Variants in NBEA observed in about 807,000 individuals in gnomAD.
NBEA encodes the protein neurobeachin.
A neutral mutation model predicts 343.4 loss-of-function variants in NBEA; 44 were observed. The ratio of observed to expected loss-of-function variants is 0.13; its 90% CI spans 0.10 to 0.16. The LOEUF is 0.16. Among genes scored for constraint, NBEA ranks in the 10% least tolerant of loss-of-function variants. NBEA has a pLI of 1.00. For missense variants in NBEA, 2,555 were observed against 3,631.3 expected, an observed-to-expected ratio of 0.70 and a Z score of 7.62; for synonymous variants, 1,175 against 1,238.7, an observed-to-expected ratio of 0.95 and a Z score of 1.08.
chr13:35,202,575 T>G (rs1337580112), intron 31 of NBEA, among the ~76,000 whole-genome samples: 1 of 152,148 alleles, frequency 6.6e-6, no homozygotes, highest in African/African-American at 2.4e-5. Flanking sequence ...TTACAAAATT[T>G]ACCGAACTGT....
At chr13:34,971,418 C>T (rs889535879) in intron 1 of NBEA, among the ~76,000 whole-genome samples, 1 of 152,088 alleles carries the variant, frequency 6.6e-6, no homozygotes, top group African/African-American at 2.4e-5. Flanking sequence ...AGAGGGCATC[C>T]TTGTCTTGTG....
chr13:35,672,247 C>A lies in NBEA; in HGVS notation c.*1256C>A, dbSNP rs979640563. On this transcript the variant is annotated 3_prime_UTR_variant, in exon 59 of 59. Coordinates refer to ENST00000379939, the MANE Select transcript of NBEA (RefSeq NM_001385012.1). ...ATCGTCATAGATGTACATATTGTGT[C>A]GGTAGGGCTATGAGGCATGTTACAG... 3 of 152,464 alleles carry A rather than the reference C, an allele frequency of 2.0e-5. No individual in the cohort carries two copies. The highest frequency in any genetic ancestry group is 7.2e-5 in the African/African-American group (3 of 41,398). 9.4% of individuals were successfully genotyped at this position (152,464 alleles called of 1,614,324 possible).
intron 35 of NBEA, among the ~76,000 whole-genome samples, chr13:35,309,263 G>C (rs1238066285): frequency 6.6e-6 from 1 of 152,008 alleles, no homozygotes; most frequent in South Asian, 2.1e-4. Flanking sequence ...TTTGTGCTCA[G>C]AGCCCCTTAT....
chr13:35,028,937 T>A (rs2062107003), intron 1 of NBEA, among the ~76,000 whole-genome samples: 1 of 151,890 alleles, frequency 6.6e-6, no homozygotes, highest in African/African-American at 2.4e-5. Flanking sequence ...TGCTGTAGCA[T>A]GTATCAGAAC....
Position 35,208,730 on chromosome 13 carries a change from T to A in NBEA, c.5397T>A (p.Pro1799=), listed in dbSNP as rs774531750. The change falls in exon 32 of 59, where the codon CCT becomes CCA. Residue 1799 remains proline, a synonymous_variant. Transcript: ENST00000379939. ...RSVVVPVKKP[P]PGSLAVTTVG... is the part of the protein sequence containing the mutation. ...TTGTGGTGCCTGTAAAGAAACCACC[T>A]CCAGGTAGTTTAGCTGTAACCACTG... The A allele has an allele frequency of 3.1e-5, 50 of 1,608,578 alleles. No individual in the cohort carries two copies. The highest frequency in any genetic ancestry group is 4.0e-5 in the Non-Finnish European group (47 of 1,176,770).
intron 39 of NBEA, among the ~76,000 whole-genome samples, chr13:35,447,502 A>G (rs1215682182): frequency 2.6e-5 from 4 of 151,988 alleles, no homozygotes; most frequent in Non-Finnish European, 5.9e-5. Flanking sequence ...ATATATATAT[A>G]TATTTACTAA....
At chr13:35,431,997 A>G (rs961580805) in intron 38 of NBEA, among the ~76,000 whole-genome samples, 2 of 152,110 alleles carry the variant, frequency 1.3e-5, no homozygotes, top group African/African-American at 4.8e-5. Context: ...CTTTTAGTAG[A>G]AAGAAGAAAG....
At chr13:35,212,175 C>A (rs886552301) in intron 33 of NBEA, among the ~76,000 whole-genome samples, 1 of 152,136 alleles carries the variant, frequency 6.6e-6, no homozygotes, top group Non-Finnish European at 1.5e-5. Context: ...AGTCACTGTT[C>A]TTGCTTTTCT....
At chr13:35,472,058 G>A (rs1355186991) in intron 40 of NBEA, among the ~76,000 whole-genome samples, 2 of 152,116 alleles carry the variant, frequency 1.3e-5, no homozygotes, top group Non-Finnish European at 2.9e-5. Flanking sequence ...GGAAAAGCCA[G>A]TGATACTCAA....
At chr13:35,138,988 G>C (rs1412622384) in intron 17 of NBEA, among the ~76,000 whole-genome samples, 1 of 149,064 alleles carries the variant, frequency 6.7e-6, no homozygotes, top group Non-Finnish European at 1.5e-5. Context: ...GAATTATGGG[G>C]TTTCTTTTCT....
At chr13:35,099,111 C>T (rs527581056) in intron 11 of NBEA, among the ~76,000 whole-genome samples, 3 of 150,970 alleles carry the variant, frequency 2.0e-5, no homozygotes, top group Non-Finnish European at 4.4e-5. Context: ...CTGCAACCCC[C>T]ATCTCCTGAG....
chr13:35,043,767 A>G (rs1209256962), intron 2 of NBEA, among the ~76,000 whole-genome samples: 7 of 151,926 alleles, frequency 4.6e-5, no homozygotes, highest in Non-Finnish European at 7.4e-5. Context: ...TATACAAATG[A>G]CAAATATTTT....
chr13:35,244,421 T>C (rs1189145077), intron 34 of NBEA, among the ~76,000 whole-genome samples: 5 of 152,094 alleles, frequency 3.3e-5, no homozygotes. Context: ...ATCAGTTGGC[T>C]GTAAGTATTT....
chr13:35,532,869 T>G (rs1267650530), intron 41 of NBEA, among the ~76,000 whole-genome samples: 1 of 152,142 alleles, frequency 6.6e-6, no homozygotes, highest in East Asian at 1.9e-4. Flanking sequence ...ACCTAATTTC[T>G]AAGGCACTAG....
At chr13:35,598,959 G>T (rs552758265) in intron 47 of NBEA, among the ~76,000 whole-genome samples, 2 of 152,154 alleles carry the variant, frequency 1.3e-5, no homozygotes, top group South Asian at 4.2e-4. Flanking sequence ...CTCTTGCATA[G>T]CTTATCTCTT....
chr13:35,470,758 C>T (rs958150803), intron 40 of NBEA, among the ~76,000 whole-genome samples: 1 of 152,188 alleles, frequency 6.6e-6, no homozygotes, highest in Non-Finnish European at 1.5e-5. Flanking sequence ...GCGCGGGAGG[C>T]AGGAGGCGCC....
chr13:35,182,055 T>A (rs1214548125), intron 28 of NBEA, among the ~76,000 whole-genome samples: 2 of 151,716 alleles, frequency 1.3e-5, no homozygotes, highest in Non-Finnish European at 3.0e-5. Context: ...ACATATTTTA[T>A]AAGCACACAT....
At chr13:35,668,176 A>G (rs1480866525) in intron 57 of NBEA, among the ~76,000 whole-genome samples, 192 bp from the exon 58 acceptor site, 1 of 152,232 alleles carries the variant, frequency 6.6e-6, no homozygotes, top group African/African-American at 2.4e-5. Context: ...TGAATTCCAC[A>G]ATGGAAATTC....
intron 33 of NBEA, among the ~76,000 whole-genome samples, chr13:35,225,623 T>C (rs2074609876): frequency 1.3e-5 from 2 of 152,190 alleles, no homozygotes; most frequent in African/African-American, 4.8e-5. Context: ...CTTGTGTCTA[T>C]AGCTCTGGGG....
Sources: gnomAD v4.1 joint callset for allele counts (sites outside exome capture counted in the v4.1 genomes callset) on GRCh38, gnomAD v4.1.1 for gene constraint, MANE v1.5 for transcripts, NCBI Gene and HGNC (gene_info 2026-07-23, HGNC 2026-07-21) for gene names.